Variants in TBC1D1 observed in about 807,000 individuals in gnomAD.
TBC1D1 encodes TBC1 domain family member 1.
In TBC1D1, 89 loss-of-function variants were observed where a neutral mutation model predicts 125.6. The observed-to-expected ratio is 0.71, with a 90% CI of 0.60 to 0.85. The LOEUF is 0.85. TBC1D1 is among the 40% of genes least tolerant of loss of function. The pLI is 0.00. For synonymous variants in TBC1D1, 565 were observed against 564.1 expected (o/e 1.00, Z -0.02); for missense variants, 1,377 against 1,469.2 (o/e 0.94, Z 1.03).
chr4:37,909,950 A>T (rs1349570185), intron 2 of TBC1D1, among the ~76,000 whole-genome samples: 1 of 152,200 alleles, frequency 6.6e-6, no homozygotes, highest in African/African-American at 2.4e-5. Flanking sequence ...TTTTTCGTCT[A>T]TAAAAAGAAT....
Position 37,902,112 on chromosome 4 carries a change from T to G in TBC1D1, c.17T>G (p.Phe6Cys). 6.2e-7 allele frequency: 1 copy of G among 1,603,306 alleles called. No homozygotes were observed. The highest frequency in any genetic ancestry group is 8.5e-7 in the Non-Finnish European group (1 of 1,175,228). The change falls in exon 2 of 20, where the codon TTC (phenylalanine) becomes TGC (cysteine). Residue 6 changes from phenylalanine to cysteine, a missense_variant. By Grantham distance (205) the Phe-to-Cys change is radical. Transcript: ENST00000261439. ...CTTCCCAAGATGGAACCAATAACAT[T>G]CACAGCAAGGAAACATCTGCTTTCT...
chr4:38,049,980 T>C (rs954954387), intron 11 of TBC1D1, 82 bp downstream of exon 11: 10 of 1,443,936 alleles, frequency 6.9e-6, no homozygotes, highest in African/African-American at 4.3e-5. Context: ...GGTATGTTTA[T>C]TGAGTGAGAG....
chr4:38,102,467 G>A (rs1262636434), intron 14 of TBC1D1, among the ~76,000 whole-genome samples: 2 of 152,034 alleles, frequency 1.3e-5, no homozygotes, highest in African/African-American at 4.8e-5. Context: ...TTTGAGAAGT[G>A]AGAAGAAGGG....
chr4:38,128,231 T>C (rs554644502), intron 18 of TBC1D1, among the ~76,000 whole-genome samples: 9 of 152,080 alleles, frequency 5.9e-5, no homozygotes, highest in South Asian at 2.1e-4. Context: ...GTGGTCCTTA[T>C]AGAAAGTAGA....
intron 15 of TBC1D1, among the ~76,000 whole-genome samples, chr4:38,105,898 G>A (rs1295001197): frequency 3.3e-5 from 5 of 152,234 alleles, no homozygotes; most frequent in South Asian, 2.1e-4. Context: ...TGTGATGAAC[G>A]TGTGAGTACA....
chr4:38,102,956 T>G, intron 14 of TBC1D1, 43 bp from the exon 17 acceptor site: 1 of 1,575,856 alleles, frequency 6.3e-7, no homozygotes, highest in Non-Finnish European at 8.6e-7. Flanking sequence ...TTAAGTTGTA[T>G]TCTGTGCATA....
chr4:37,928,214 A>G (rs139549474), intron 2 of TBC1D1, among the ~76,000 whole-genome samples: 224 of 152,376 alleles, frequency 1.5e-3, no homozygotes, highest in African/African-American at 5.0e-3. Context: ...AGTGTTAGCT[A>G]TCACATGAAA....
Position 38,133,121 on chromosome 4 carries a change from A to T in TBC1D1, c.3170A>T (p.Tyr1057Phe). 10 of 1,614,184 alleles carry T rather than the reference A, an allele frequency of 6.2e-6. No homozygotes were observed. The highest frequency in any genetic ancestry group is 8.5e-6 in the Non-Finnish European group (10 of 1,180,026). The change falls in exon 19 of 20, where the codon TAT becomes TTT. Residue 1057 changes from tyrosine (Y) to phenylalanine (F), a missense_variant. Coordinates refer to ENST00000261439, the MANE Select transcript of TBC1D1 (RefSeq NM_015173.4). ...GACATCGCTAAACAGTTACAAGCTT[A>T]TGAAGTTGAGTACCACGTCCTTCAA...
At chr4:38,036,854 T>C (rs1747313796) in intron 8 of TBC1D1, among the ~76,000 whole-genome samples, 1 of 152,212 alleles carries the variant, frequency 6.6e-6, no homozygotes, top group South Asian at 2.1e-4. Context: ...CATTCCTCCC[T>C]TCCCAACCTG....
intron 2 of TBC1D1, chr4:37,960,961 G>A (rs770236501): frequency 1.4e-5 from 23 of 1,614,172 alleles, no homozygotes; most frequent in Middle Eastern, 1.6e-4. Flanking sequence ...CCATGGGAAT[G>A]CAATCTGTTT....
intron 2 of TBC1D1, among the ~76,000 whole-genome samples, chr4:37,971,235 G>A (rs908000070): frequency 6.6e-6 from 1 of 152,158 alleles, no homozygotes; most frequent in African/African-American, 2.4e-5. Context: ...TGAGATTTCT[G>A]TAGGGATACT....
chr4:38,005,205 T>A (rs1212355624), intron 2 of TBC1D1, among the ~76,000 whole-genome samples: 1 of 152,170 alleles, frequency 6.6e-6, no homozygotes, highest in East Asian at 1.9e-4. Flanking sequence ...TCCGGAGATA[T>A]AAATGTGTGC....
chr4:38,054,250 G>A lies in TBC1D1; in HGVS notation c.1962G>A (p.Val654=), dbSNP rs755029943. The change falls in exon 12 of 20, where the codon GTG becomes GTA. Residue 654 remains valine, a synonymous_variant. Transcript: ENST00000261439. ...TTGGTGATTCTGGTGGGACTCCTGTGAAGACCCGGAGGCATTCCTGGAGGC... is the reference window on the plus strand; with the variant it reads ...TTGGTGATTCTGGTGGGACTCCTGTAAAGACCCGGAGGCATTCCTGGAGGC... 6.2e-7 allele frequency: 1 copy of A among 1,614,192 alleles called. No homozygotes were observed. Among genetic ancestry groups the A allele is most frequent in the Non-Finnish European group, 8.5e-7 (1 of 1,180,020 alleles).
rs191771843 is a variant in TBC1D1, at chr4:38,030,772, A to G, written c.1302+2893A>G. Among the ~76,000 whole-genome samples, 385 of 152,370 alleles carry G rather than the reference A, an allele frequency of 2.5e-3. 6 individuals carry two copies. Among genetic ancestry groups the G allele is most frequent in the Non-Finnish European group, 6.3e-4 (43 of 68,036 alleles). ...ATTTGTTTCGGAAAAAGTCCTCTAC[A>G]TGCAAATTTTCATAAGGGAAATGTA... is the stretch of plus-strand genomic sequence containing the variant. On this transcript the variant is annotated intron_variant, in intron 7 of 19. Transcript: ENST00000261439.
chr4:38,098,827 C>T (rs1050628338), intron 14 of TBC1D1, among the ~76,000 whole-genome samples: 19 of 152,088 alleles, frequency 1.2e-4, no homozygotes, highest in African/African-American at 4.6e-4. Context: ...GATTAAGAGG[C>T]CCTTCCTCAT....
chr4:38,034,589 G>A (rs565732050), intron 7 of TBC1D1, among the ~76,000 whole-genome samples: 1 of 152,312 alleles, frequency 6.6e-6, no homozygotes, highest in South Asian at 2.1e-4. Context: ...AGTTAGCTGG[G>A]GAAGAAGTGA....
At chr4:37,919,340 G>GTTTTTTT in intron 2 of TBC1D1, among the ~76,000 whole-genome samples, 1 of 140,892 alleles carries the variant, frequency 7.1e-6, no homozygotes. Flanking sequence ...GTTTGTTTTT[G>GTTTTTTT]TTTTTTTTTT....
Position 38,125,039 on chromosome 4 carries a change from C to T in TBC1D1, c.3040C>T (p.Leu1014=), listed in dbSNP as rs775425236. The T allele has an allele frequency of 6.2e-7, 1 of 1,614,076 alleles. No homozygotes were observed. The highest frequency in any genetic ancestry group is 1.1e-5 in the South Asian group (1 of 91,066). Residue 1014 remains leucine (L), a synonymous_variant, in exon 18 of 20, where the codon CTG becomes TTG. Transcript: ENST00000261439. Reference sequence around the variant, plus strand: ...GTTGGGAAGCCATAAGCCCTTGATTCTGCAGCATGAAAACCTAGAAACCAT... The same window carrying T: ...GTTGGGAAGCCATAAGCCCTTGATTTTGCAGCATGAAAACCTAGAAACCAT...
intron 2 of TBC1D1, among the ~76,000 whole-genome samples, chr4:38,012,718 G>A (rs1425608629): frequency 1.3e-5 from 2 of 152,140 alleles, no homozygotes. Context: ...TATGATGTAT[G>A]ATTATTTGGC....
Sources: gnomAD v4.1 joint callset for allele counts (sites outside exome capture counted in the v4.1 genomes callset) on GRCh38, gnomAD v4.1.1 for gene constraint, MANE v1.5 for transcripts, NCBI Gene and HGNC (gene_info 2026-07-23, HGNC 2026-07-21) for gene names.